Variants in MIPOL1 observed in about 807,000 individuals in gnomAD.
The protein encoded by MIPOL1 is mirror-image polydactyly 1.
MIPOL1 carries 57 observed loss-of-function variants against 60.9 expected under a neutral mutation model. The ratio of observed to expected loss-of-function variants is 0.94; its 90% CI spans 0.76 to 1.17. The LOEUF (loss-of-function observed/expected upper bound fraction) is 1.17, where lower values mean the gene tolerates loss of function less well. MIPOL1 is among the 50% of genes most tolerant of loss of function. The pLI is 0.00. For missense variants in MIPOL1, 551 were observed against 511.6 expected, an observed-to-expected ratio of 1.08 and a Z score of -0.74; for synonymous variants, 179 against 168.8, an observed-to-expected ratio of 1.06 and a Z score of -0.47.
intron 11 of MIPOL1, among the ~76,000 whole-genome samples, chr14:37,469,125 A>G (rs1157729531): frequency 1.3e-5 from 2 of 152,182 alleles, no homozygotes; most frequent in African/African-American, 4.8e-5. Context: ...TTATTAGTCC[A>G]TTCTTGCATT....
chr14:37,204,651 C>A (rs1029586941), intron 1 of MIPOL1, among the ~76,000 whole-genome samples: 1 of 152,070 alleles, frequency 6.6e-6, no homozygotes, highest in Non-Finnish European at 1.5e-5. Flanking sequence ...CGTGGAACTG[C>A]GAGCCCATTA....
intron 6 of MIPOL1, among the ~76,000 whole-genome samples, chr14:37,272,188 T>C (rs1368306521): frequency 1.3e-5 from 2 of 151,618 alleles, no homozygotes; most frequent in African/African-American, 2.4e-5. Flanking sequence ...TGTTATTTAG[T>C]TTCTCTGGAA....
chr14:37,403,432 C>CTT (rs11415779), intron 10 of MIPOL1, among the ~76,000 whole-genome samples: 1,890 of 93,992 alleles, frequency 0.02, 161 homozygotes, highest in East Asian at 0.099. Context: ...AGGTTTCTAG[C>CTT]TTTTTTTTTT....
At chr14:37,302,667 A>G (rs1158363497) in intron 7 of MIPOL1, among the ~76,000 whole-genome samples, 3 of 145,444 alleles carry the variant, frequency 2.1e-5, no homozygotes, top group Admixed American at 1.4e-4. Context: ...ACATTCTTAT[A>G]TTCTACCACC....
intron 11 of MIPOL1, among the ~76,000 whole-genome samples, chr14:37,472,067 C>G (rs999088437): frequency 6.6e-6 from 1 of 152,148 alleles, no homozygotes; most frequent in Non-Finnish European, 1.5e-5. Flanking sequence ...TTCAGCAATT[C>G]AATTAATCAA....
intron 9 of MIPOL1, among the ~76,000 whole-genome samples, chr14:37,331,637 A>C (rs1567504711): frequency 6.6e-6 from 1 of 151,822 alleles, no homozygotes; most frequent in South Asian, 2.1e-4. Context: ...AACTTTACTG[A>C]ATTCATTTAT....
chr14:37,207,761 G>A (rs1190553855), intron 1 of MIPOL1, among the ~76,000 whole-genome samples: 1 of 150,194 alleles, frequency 6.7e-6, no homozygotes, highest in Non-Finnish European at 1.5e-5. Context: ...GGCCAGGCTG[G>A]TCTTGAACTC....
intron 11 of MIPOL1, among the ~76,000 whole-genome samples, chr14:37,457,102 A>G (rs1381876487): frequency 1.3e-5 from 2 of 152,200 alleles, no homozygotes; most frequent in African/African-American, 4.8e-5. Flanking sequence ...GAAATAAAGC[A>G]TTTGTTATAA....
chr14:37,355,467 A>G (rs1248094086), intron 9 of MIPOL1, among the ~76,000 whole-genome samples: 4 of 151,258 alleles, frequency 2.6e-5, no homozygotes, highest in Admixed American at 6.6e-5. Context: ...TTGCTAGATT[A>G]GGGAAGTTCT....
intron 11 of MIPOL1, among the ~76,000 whole-genome samples, chr14:37,443,533 A>G (rs2094284587): frequency 6.6e-6 from 1 of 151,288 alleles, no homozygotes; most frequent in African/African-American, 2.4e-5. Context: ...AACATTTTGC[A>G]GAGAAACTTC....
At chr14:37,339,129 A>T (rs2153460891) in intron 9 of MIPOL1, among the ~76,000 whole-genome samples, 1 of 152,378 alleles carries the variant, frequency 6.6e-6, no homozygotes, top group Non-Finnish European at 1.5e-5. Flanking sequence ...GTATAAATTG[A>T]TAATAAAAAG....
intron 1 of MIPOL1, among the ~76,000 whole-genome samples, chr14:37,204,831 A>G (rs1254994668): frequency 6.6e-6 from 1 of 152,120 alleles, no homozygotes; most frequent in Admixed American, 6.5e-5. Context: ...CTGGGTAACA[A>G]GCAGAGGCTG....
intron 1 of MIPOL1, among the ~76,000 whole-genome samples, chr14:37,234,744 A>G (rs922313339): frequency 6.6e-6 from 1 of 151,490 alleles, no homozygotes; most frequent in Non-Finnish European, 1.5e-5. Context: ...TCCCTGCAGT[A>G]CTGATAGAGG....
intron 1 of MIPOL1, 38 bp from the exon 2 acceptor site, chr14:37,247,065 C>T (rs1449625677): frequency 6.6e-6 from 1 of 152,424 alleles, no homozygotes; most frequent in Non-Finnish European, 1.5e-5. Context: ...TTGACTGGAA[C>T]ATATTTCTTT....
Position 37,422,946 on chromosome 14 carries a change from A to G in MIPOL1, c.1028A>G (p.Tyr343Cys), listed in dbSNP as rs762435704. ...GAAATCCAGACCCTTCGAGTTTACT[A>G]CAGGTAAAATTCTTTTTAGCCTGGG... ...EEEIQTLRVY[Y>C]SLHKSLSQEE... The change falls in exon 11 of 13, where the codon TAC (tyrosine) becomes TGC (cysteine). Residue 343 changes from tyrosine to cysteine, a missense_variant. Tyr to Cys is a radical substitution (Grantham distance 194). Coordinates refer to ENST00000684589, the MANE Select transcript of MIPOL1 (RefSeq NM_001388067.1). 4.4e-6 allele frequency: 7 copies of G among 1,591,562 alleles called. No homozygotes were observed. Among genetic ancestry groups the G allele is most frequent in the Middle Eastern group, 1.7e-4 (1 of 6,042 alleles).
chr14:37,357,568 T>C (rs572948732), intron 9 of MIPOL1, among the ~76,000 whole-genome samples: 8 of 152,278 alleles, frequency 5.3e-5, no homozygotes, highest in African/African-American at 1.9e-4. Context: ...TTGAGAAATG[T>C]CTATTCAATT....
chr14:37,369,890 T>G (rs1221890684), intron 10 of MIPOL1: 4 of 191,884 alleles, frequency 2.1e-5, no homozygotes, highest in Non-Finnish European at 3.2e-5. Flanking sequence ...GTTTCTTTTT[T>G]ATATCATTAC....
At chr14:37,439,732 T>C (rs528453128) in intron 11 of MIPOL1, among the ~76,000 whole-genome samples, 1 of 152,318 alleles carries the variant, frequency 6.6e-6, no homozygotes, top group South Asian at 2.1e-4. Flanking sequence ...GTAAATCACA[T>C]GTACAATGTT....
At chr14:37,353,515 G>A (rs1218308459) in intron 9 of MIPOL1, among the ~76,000 whole-genome samples, 1 of 152,044 alleles carries the variant, frequency 6.6e-6, no homozygotes, top group South Asian at 2.1e-4. Flanking sequence ...GGTAGAATTC[G>A]GCTGTGAATC....
Sources: gnomAD v4.1 joint callset for allele counts (sites outside exome capture counted in the v4.1 genomes callset) on GRCh38, gnomAD v4.1.1 for gene constraint, MANE v1.5 for transcripts, NCBI Gene and HGNC (gene_info 2026-07-23, HGNC 2026-07-21) for gene names.